The following NAE1 variants were observed in gnomAD, a reference collection of about 807,000 sequenced individuals.
The protein encoded by NAE1 is NEDD8-activating enzyme E1 regulatory subunit.
In NAE1, 59 loss-of-function variants were observed where a neutral mutation model predicts 88.0. That is an observed-to-expected ratio of 0.67 (90% CI 0.54 to 0.83). The LOEUF (loss-of-function observed/expected upper bound fraction) is 0.83. Among genes scored for constraint, NAE1 ranks in the 40% least tolerant of loss-of-function variants. The probability of loss-of-function intolerance (pLI) is 0.00; values close to 1 mark genes in which losing one functional copy is unlikely to be tolerated. For synonymous variants in NAE1, 186 were observed against 208.9 expected (o/e 0.89, Z 0.95); for missense variants, 554 against 632.8 (o/e 0.88, Z 1.34).
At chr16:66,808,938 T>C in intron 16 of NAE1, 51 bp downstream of exon 16, 2 of 1,227,888 alleles carry the variant, frequency 1.6e-6, no homozygotes, top group Non-Finnish European at 2.3e-6. Context: ...AATATTTATA[T>C]CTTTTAAATT....
chr16:66,809,140 G>T, intron 15 of NAE1, 65 bp from the exon 16 acceptor site: 1 of 1,266,796 alleles, frequency 7.9e-7, no homozygotes, highest in South Asian at 1.3e-5. Context: ...AATCACAGGT[G>T]ACTTTAAGAA....
intron 7 of NAE1, among the ~76,000 whole-genome samples, chr16:66,820,164 G>A (rs1002237113): frequency 4.6e-5 from 7 of 152,222 alleles, no homozygotes; most frequent in African/African-American, 1.4e-4. Context: ...ACTCCTCAGT[G>A]ATGCTACCAA....
intron 13 of NAE1, among the ~76,000 whole-genome samples, chr16:66,812,918 G>A (rs1266216627): frequency 1.3e-5 from 2 of 151,308 alleles, no homozygotes; most frequent in African/African-American, 4.9e-5. Context: ...CGCCTCCCGG[G>A]TTCACGCTAT....
intron 11 of NAE1, 108 bp from the exon 12 acceptor site, chr16:66,813,954 C>A: frequency 9.8e-7 from 1 of 1,023,594 alleles, no homozygotes; most frequent in Non-Finnish European, 1.4e-6. Context: ...AAATTGTAAT[C>A]AAATACAAAC....
intron 19 of NAE1, 178 bp downstream of exon 19, chr16:66,805,599 A>G (rs1959531130): frequency 4.2e-6 from 2 of 470,766 alleles, no homozygotes; most frequent in African/African-American, 2.0e-5. Context: ...GATGGCATCA[A>G]TACACTCCAA....
intron 13 of NAE1, 66 bp downstream of exon 13, chr16:66,813,498 G>A (rs1181549348): frequency 1.3e-5 from 19 of 1,497,144 alleles, no homozygotes; most frequent in Non-Finnish European, 1.6e-5. Flanking sequence ...CTGACAGGAT[G>A]ATAAAATGTT....
At chr16:66,807,635 G>A (rs560926216) in intron 17 of NAE1, among the ~76,000 whole-genome samples, 89 of 131,124 alleles carry the variant, frequency 6.8e-4, no homozygotes, top group African/African-American at 2.1e-3. Context: ...GCGAGACTCC[G>A]TCTCAAAAGA....
At chr16:66,823,068 C>T (rs1391547566) in intron 6 of NAE1, among the ~76,000 whole-genome samples, 159 bp downstream of exon 6, 1 of 124,824 alleles carries the variant, frequency 8.0e-6, no homozygotes, top group Non-Finnish European at 1.6e-5. Flanking sequence ...GGAATTTGAG[C>T]TCAAGCTCAA....
chr16:66,816,492 A>T, intron 11 of NAE1, 89 bp downstream of exon 11: 1 of 963,594 alleles, frequency 1.0e-6, no homozygotes, highest in Non-Finnish European at 1.6e-6. Flanking sequence ...AGAAAATATT[A>T]ACTTAAATCA....
intron 13 of NAE1, 55 bp downstream of exon 13, chr16:66,813,509 T>C (rs573161928): frequency 1.3e-6 from 2 of 1,523,006 alleles, no homozygotes; most frequent in African/African-American, 1.4e-5. Context: ...ATAAAATGTT[T>C]ATCTCTAATA....
At chr16:66,827,715 G>A (rs1473523670) in intron 1 of NAE1, among the ~76,000 whole-genome samples, 2 of 152,268 alleles carry the variant, frequency 1.3e-5, no homozygotes, top group East Asian at 3.9e-4. Flanking sequence ...ACTTCTACAG[G>A]AGTGCTTTAA....
At chr16:66,827,955 G>A (rs1447029912) in intron 1 of NAE1, 1 of 1,591,966 alleles carries the variant, frequency 6.3e-7, no homozygotes, top group Non-Finnish European at 8.6e-7. Flanking sequence ...AGAGTTGCTG[G>A]GACTACAGGC....
chr16:66,817,544 C>A, intron 8 of NAE1, 57 bp from the exon 9 acceptor site: 1 of 1,202,952 alleles, frequency 8.3e-7, no homozygotes, highest in Non-Finnish European at 1.2e-6. Flanking sequence ...TTCACTGTAC[C>A]ATCTCGTTTT....
Position 66,808,576 on chromosome 16 carries a change from C to A in NAE1, c.1275G>T (p.Leu425Phe). Residue 425 changes from leucine (L) to phenylalanine (F), a missense_variant, in exon 17 of 20, where the codon TTG becomes TTT. Coordinates refer to ENST00000290810, the MANE Select transcript of NAE1 (RefSeq NM_003905.4). The stretch of plus-strand genomic sequence containing the variant: ...TATCAACAGCCCGTAACATTAAGTA[C>A]AACACTATTTCATTATCTGGATTGT... ...SMDNPDNEIV[L>F]YLMLRAVDRF... 1 of 1,607,818 alleles carries A rather than the reference C, an allele frequency of 6.2e-7. No individual in the cohort carries two copies. Among genetic ancestry groups the A allele is most frequent in the East Asian group, 2.3e-5 (1 of 44,422 alleles).
At chr16:66,804,120 T>C (rs562120075) in intron 19 of NAE1, among the ~76,000 whole-genome samples, 10 of 152,182 alleles carry the variant, frequency 6.6e-5, no homozygotes, top group African/African-American at 2.4e-4. Context: ...GGGGTTTGTA[T>C]TTTAAATAGG....
At chr16:66,806,049 A>C in intron 17 of NAE1, 23 bp from the exon 18 acceptor site, 2 of 1,586,346 alleles carry the variant, frequency 1.3e-6, no homozygotes, top group Non-Finnish European at 1.7e-6. Flanking sequence ...GTTAGTTTTC[A>C]TTAAAATAAA....
intron 1 of NAE1, among the ~76,000 whole-genome samples, chr16:66,830,049 C>G (rs2145362494): frequency 6.6e-6 from 1 of 152,258 alleles, no homozygotes; most frequent in Middle Eastern, 3.4e-3. Context: ...CCACGCCCAG[C>G]TAATTTCTGA....
intron 1 of NAE1, among the ~76,000 whole-genome samples, chr16:66,830,551 A>G (rs1397630303): frequency 6.6e-6 from 1 of 152,162 alleles, no homozygotes; most frequent in Non-Finnish European, 1.5e-5. Context: ...CCCCATTCGG[A>G]AAACGAGGAG....
intron 19 of NAE1, among the ~76,000 whole-genome samples, chr16:66,805,430 G>C (rs1210961629): frequency 6.6e-6 from 1 of 151,880 alleles, no homozygotes; most frequent in Non-Finnish European, 1.5e-5. Context: ...AGGGGCAACT[G>C]AATAAATATC....
Sources: allele counts gnomAD v4.1 joint callset (sites outside exome capture counted in the v4.1 genomes callset), GRCh38; gene constraint gnomAD v4.1.1; transcripts MANE v1.5; gene names NCBI Gene and HGNC (gene_info 2026-07-23, HGNC 2026-07-21).